MRNIP: variants seen among roughly 807,000 people sequenced by gnomAD.
The protein encoded by MRNIP is MRN complex interacting protein.
MRNIP carries 30 observed loss-of-function variants against 29.8 expected under a neutral mutation model. The observed-to-expected ratio is 1.01, with a 90% CI of 0.75 to 1.36. The LOEUF is 1.36. Among genes scored for constraint, MRNIP ranks in the 40% most tolerant of loss-of-function variants. The pLI, the probability that MRNIP is intolerant of heterozygous loss-of-function variation, is 0.00. For missense variants in MRNIP, 459 were observed against 423.5 expected, an observed-to-expected ratio of 1.08 and a Z score of -0.74; for synonymous variants, 201 against 164.1, an observed-to-expected ratio of 1.23 and a Z score of -1.72.
At chr5:179,849,423 C>G (rs1294689440) in intron 2 of MRNIP, among the ~76,000 whole-genome samples, 2 of 148,554 alleles carry the variant, frequency 1.3e-5, no homozygotes, top group African/African-American at 2.5e-5. Context: ...ACCATGGGTC[C>G]TGCTATGGCA....
At chr5:179,849,281 G>A (rs1420287174) in intron 2 of MRNIP, among the ~76,000 whole-genome samples, 6 of 148,682 alleles carry the variant, frequency 4.0e-5, no homozygotes, top group Admixed American at 4.0e-4. Flanking sequence ...TCCTGCTATG[G>A]CACAGGCAGA....
rs1349787143 is a variant in MRNIP, at chr5:179,840,631, AGG to A, written c.537+239_537+240del. ...CTGCTGGCCAACCTCAGTTTCTCCA[AGG>A]GTCACAATGCTCTTTGGTCCTGAGT... is the stretch of plus-strand genomic sequence containing the variant. On this transcript the variant is annotated intron_variant, in intron 6 of 6. Transcript: ENST00000292586. The A allele has an allele frequency of 1.1e-4, 66 of 575,908 alleles. No homozygotes were observed. In the Middle Eastern group the frequency reaches 2.3e-3, roughly 20 times the overall value. 35.7% of individuals were successfully genotyped at this position (575,908 alleles called of 1,614,324 possible). A position where few individuals can be genotyped will look rare whatever the true frequency, so the allele number is the denominator to read the frequency against.
In MRNIP at chr5:179,844,188, G is replaced by A. The variant is rs771822659; in HGVS notation, c.255C>T (p.Asn85=). 2.8e-5 allele frequency: 45 copies of A among 1,613,970 alleles called. No homozygotes were observed. Among genetic ancestry groups the A allele is most frequent in the Non-Finnish European group, 3.4e-5 (40 of 1,179,976 alleles). ...CATTCCCAGCCTGCTGGTGTCCCACGTTTTCTTCTTCACTGGCACTGACAG... is the reference window on the plus strand; with the variant it reads ...CATTCCCAGCCTGCTGGTGTCCCACATTTTCTTCTTCACTGGCACTGACAG... ...EETVSASEEE[N]VGHQQAGNVK... Residue 85 remains asparagine, a synonymous_variant, in exon 4 of 7, where the codon AAC becomes AAT. Coordinates refer to ENST00000292586, the MANE Select transcript of MRNIP (RefSeq NM_016175.4).
At chr5:179,838,194 GAGC>G (rs1375854047) in intron 6 of MRNIP, 9 of 439,372 alleles carry the variant, frequency 2.0e-5, no homozygotes, top group Non-Finnish European at 3.3e-5. Flanking sequence ...AAAGAATTTT[GAGC>G]AGAAGGGCCT....
chr5:179,852,914 C>T (rs1355144882), intron 2 of MRNIP, among the ~76,000 whole-genome samples: 1 of 152,200 alleles, frequency 6.6e-6, no homozygotes, highest in Non-Finnish European at 1.5e-5. Context: ...TTCCTGAGCC[C>T]ACTATCCCAC....
chr5:179,853,559 G>C, intron 1 of MRNIP, 122 bp from the exon 2 acceptor site: 1 of 708,956 alleles, frequency 1.4e-6, no homozygotes, highest in East Asian at 2.8e-5. Flanking sequence ...AGATCACAAG[G>C]TCAGGAGTTC....
In MRNIP at chr5:179,837,319, TTTA is replaced by T. The variant is rs1451613140; in HGVS notation, c.*69_*71del. 2.5e-6 allele frequency: 4 copies of T among 1,593,984 alleles called. No homozygotes were observed. The highest frequency in any genetic ancestry group is 3.4e-6 in the Non-Finnish European group (4 of 1,170,000). On this transcript the variant is annotated 3_prime_UTR_variant, in exon 7 of 7. Coordinates refer to ENST00000292586, the MANE Select transcript of MRNIP (RefSeq NM_016175.4). ...TTGTTAATGGTTCTTACAGAGTATC[TTTA>T]AAAGTGCCTTAGGGGAACCCTGTCC...
At chr5:179,855,004 T>G (rs1360643418) in intron 1 of MRNIP, among the ~76,000 whole-genome samples, 4 of 152,210 alleles carry the variant, frequency 2.6e-5, no homozygotes, top group African/African-American at 9.7e-5. Context: ...AAGAAAGTTG[T>G]AAGATGTATA....
intron 2 of MRNIP, chr5:179,850,972 G>A (rs554484938): frequency 3.2e-4 from 101 of 314,330 alleles, no homozygotes; most frequent in African/African-American, 2.2e-3. Flanking sequence ...GCTCAAGATG[G>A]CAGGAGCTTG....
intron 6 of MRNIP, chr5:179,839,292 A>G (rs1758763268): frequency 6.6e-6 from 1 of 151,538 alleles, no homozygotes; most frequent in East Asian, 1.9e-4. Context: ...TGCTGCTTAC[A>G]AAGGGAAAAG....
chr5:179,843,742 A>AG (rs1221234494), intron 4 of MRNIP, among the ~76,000 whole-genome samples: 2 of 150,776 alleles, frequency 1.3e-5, no homozygotes, highest in African/African-American at 5.0e-5. Flanking sequence ...CTCGTTTCAG[A>AG]GAAAAAAAAC....
Position 179,837,549 on chromosome 5 carries a change from C to T in MRNIP, c.874G>A (p.Val292Ile), listed in dbSNP as rs377076809. ...AVQLPRATHP[V>I]TSGSERPCGK... ...CAAGGCCTCTCAGACCCAGATGTGA[C>T]GGGGTGTGTGGCCCGAGGAAGCTGG... Residue 292 changes from valine (V) to isoleucine (I), a missense_variant, in exon 7 of 7, where the codon GTC (valine) becomes ATC (isoleucine). Coordinates refer to ENST00000292586, the MANE Select transcript of MRNIP (RefSeq NM_016175.4). The T allele has an allele frequency of 5.8e-5, 93 of 1,614,060 alleles. No individual in the cohort carries two copies. The highest frequency in any genetic ancestry group is 3.2e-4 in the Admixed American group (19 of 60,002).
chr5:179,840,948 C>A lies in MRNIP; in HGVS notation c.461G>T (p.Arg154Met). 6.2e-7 allele frequency: 1 copy of A among 1,607,022 alleles called. No individual in the cohort carries two copies. ...QDLPRKRKWSRSTVQPPCSRG... is the reference protein window; with the variant it reads ...QDLPRKRKWSMSTVQPPCSRG... ...GCTGCACGGAGGCTGGACGGTGCTC[C>A]TGCTCCACTTCCTGTCAGGACAGGA... Residue 154 changes from arginine (R) to methionine (M), a missense_variant, in exon 6 of 7, where the codon AGG (arginine) becomes ATG (methionine). Arg to Met is a moderately conservative substitution (Grantham distance 91). Coordinates refer to ENST00000292586, the MANE Select transcript of MRNIP (RefSeq NM_016175.4).
intron 2 of MRNIP, among the ~76,000 whole-genome samples, chr5:179,850,810 C>T (rs536710672): frequency 6.6e-6 from 1 of 152,250 alleles, no homozygotes; most frequent in South Asian, 2.1e-4. Context: ...CAGGGGTGGC[C>T]ACGAAACCAG....
chr5:179,846,099 A>G (rs1182344659), intron 3 of MRNIP: 2 of 151,824 alleles, frequency 1.3e-5, no homozygotes, highest in Admixed American at 1.3e-4. Flanking sequence ...CCCTCATCTT[A>G]TCACCCACTT....
chr5:179,838,003 C>G, intron 6 of MRNIP, 118 bp from the exon 7 acceptor site: 1 of 963,674 alleles, frequency 1.0e-6, no homozygotes, highest in Non-Finnish European at 1.5e-6. Flanking sequence ...CTGCTGGAAG[C>G]TGTCAGGCTG....
Position 179,841,708 on chromosome 5 carries a change from C to T in MRNIP, c.449+199G>A, listed in dbSNP as rs13356823. 1,677 of 620,252 alleles carry T rather than the reference C, an allele frequency of 2.7e-3. 25 individuals are homozygous for T. In the African/African-American group the frequency reaches 0.027, roughly 10 times the overall value. The allele number at this position is 620,252 out of a possible 1,614,324, so 38.4% of individuals were successfully genotyped here. ...GCACACGGGTGTCCTGCCCAGCCTT[C>T]GCCTCTGCACCAGCAGTGCCCAATG... On this transcript the variant is annotated intron_variant, in intron 5 of 6. Coordinates refer to ENST00000292586, the MANE Select transcript of MRNIP (RefSeq NM_016175.4).
At chr5:179,853,078 A>G in intron 2 of MRNIP, 1 of 566,174 alleles carries the variant, frequency 1.8e-6, no homozygotes, top group Non-Finnish European at 3.0e-6. Flanking sequence ...CCCCTTCCAC[A>G]CAAGTGCATC....
intron 3 of MRNIP, among the ~76,000 whole-genome samples, chr5:179,845,494 A>C (rs371249132): frequency 6.7e-6 from 1 of 148,926 alleles, no homozygotes; most frequent in African/African-American, 2.5e-5. Flanking sequence ...AAGTTCTACA[A>C]ACTCTTTTAT....
Sources: allele counts gnomAD v4.1 joint callset (sites outside exome capture counted in the v4.1 genomes callset), GRCh38; gene constraint gnomAD v4.1.1; transcripts MANE v1.5; gene names NCBI Gene and HGNC (gene_info 2026-07-23, HGNC 2026-07-21).